The following INTS6 variants were observed in gnomAD, a reference collection of about 807,000 sequenced individuals.
INTS6 encodes the protein DEAD box protein.
Under a neutral mutation model 104.9 loss-of-function variants are expected in INTS6, and 16 were observed. The ratio of observed to expected loss-of-function variants is 0.15; its 90% confidence interval spans 0.10 to 0.23. The LOEUF is 0.23. Ranked by LOEUF, INTS6 falls within the 10% of genes least tolerant of loss-of-function variation. The pLI is 1.00. For synonymous variants in INTS6, 324 were observed against 358.7 expected (o/e 0.90, Z 1.09); for missense variants, 584 against 1,062.8 (o/e 0.55, Z 6.26).
At chr13:51,360,002 T>C (rs1257234087), downstream of INTS6, among the ~76,000 whole-genome samples, 3 of 152,090 alleles carry the variant, frequency 2.0e-5, no homozygotes, top group African/African-American at 7.2e-5. Context: ...TCCCCTTCAC[T>C]GATGCTGGAA....
At chr13:51,346,975 C>A in the INTS6 span, 1 of 1,382,306 alleles carries the variant, frequency 7.2e-7, no homozygotes, top group Admixed American at 2.0e-5. Context: ...GGGTTCGGTT[C>A]AGTTTCAATG....
In INTS6 at chr13:51,418,272, A is replaced by C. The variant is rs528706577; in HGVS notation, c.429+12022T>G. ...ATTAACCATTTTCCAATTGTTTTGC[A>C]TTCTCTTTATTCATTTCCTATAACT... is the stretch of plus-strand genomic sequence containing the variant. On this transcript the variant is annotated intron_variant, in intron 4 of 17. Transcript: ENST00000311234. Among the ~76,000 whole-genome samples, 3 of 152,272 alleles carry C rather than the reference A, an allele frequency of 2.0e-5. No individual in the cohort carries two copies. The South Asian group carries it at 6.2e-4, about 32-fold the overall frequency.
Position 51,378,391 on chromosome 13 carries a change from T to C in INTS6, c.1450A>G (p.Ile484Val). The C allele has an allele frequency of 1.9e-6, 3 of 1,613,500 alleles. No homozygotes were observed. Among genetic ancestry groups the C allele is most frequent in the South Asian group, 1.1e-5 (1 of 91,072 alleles). The change falls in exon 12 of 18, where the codon ATA (isoleucine) becomes GTA (valine). Residue 484 changes from isoleucine to valine, a missense_variant. Physicochemically the swap from Ile to Val is conservative, Grantham distance 29. Around this residue, in one of 5 missense-constraint regions of INTS6, gnomAD observed 74 missense variants for 64.4 expected, o/e 1.15. Transcript: ENST00000311234. ...CCATGTGATCGGCTCCGGACTTTTATTCCAGTCTCCTGTACTACTTTTTTG... is the reference window on the plus strand; with the variant it reads ...CCATGTGATCGGCTCCGGACTTTTACTCCAGTCTCCTGTACTACTTTTTTG... ...VGKKVVQETG[I>V]KVRSRSHGLS...
chr13:51,449,004 C>T (rs1162040824), intron 3 of INTS6: 1 of 152,120 alleles, frequency 6.6e-6, no homozygotes, highest in Non-Finnish European at 1.5e-5. Flanking sequence ...AATCATTTAT[C>T]CTTGTTGTGA....
chr13:51,361,275 T>G, downstream of INTS6: 1 of 1,602,406 alleles, frequency 6.2e-7, no homozygotes, highest in Non-Finnish European at 8.5e-7. Context: ...TTTCTGTGGT[T>G]AGGCCAAGAT....
chr13:51,348,123 T>A, the INTS6 span: 1 of 981,900 alleles, frequency 1.0e-6, no homozygotes, highest in East Asian at 2.6e-5. Flanking sequence ...TTGTTTCCAG[T>A]CCTCTGAGCC....
intron 5 of INTS6, among the ~76,000 whole-genome samples, chr13:51,393,077 T>G (rs1006887379): frequency 1.3e-5 from 2 of 149,702 alleles, no homozygotes; most frequent in Non-Finnish European, 3.0e-5. Flanking sequence ...CAACTAAATT[T>G]TTTTTTTTTT....
intron 4 of INTS6, among the ~76,000 whole-genome samples, chr13:51,413,456 T>C (rs1956726735): frequency 6.6e-6 from 1 of 152,174 alleles, no homozygotes; most frequent in South Asian, 2.1e-4. Flanking sequence ...ACTTATCTCA[T>C]TTAATCATAT....
chr13:51,362,636 T>A lies in INTS6; in HGVS notation c.*3116A>T, dbSNP rs554569721. On this transcript the variant is annotated 3_prime_UTR_variant, in exon 18 of 18. Coordinates refer to ENST00000311234, the MANE Select transcript of INTS6 (RefSeq NM_012141.3). The stretch of plus-strand genomic sequence containing the variant: ...AAAAAGAAATAGGATAGAACAAGAC[T>A]AATAAAATCAAGCAAAGGTGGATCT... 1 of 152,512 alleles carries A rather than the reference T, an allele frequency of 6.6e-6. No individual in the cohort carries two copies. The highest frequency in any genetic ancestry group is 1.9e-4 in the East Asian group (1 of 5,188). 9.4% of individuals were successfully genotyped at this position (152,512 alleles called of 1,614,324 possible). A position where few individuals can be genotyped will look rare whatever the true frequency, so the allele number is the denominator to read the frequency against.
chr13:51,449,871 T>C (rs1460538965), intron 3 of INTS6: 1 of 985,204 alleles, frequency 1.0e-6, no homozygotes, highest in Admixed American at 6.1e-5. Flanking sequence ...CATATTTACC[T>C]AACTAAACGT....
At position 51,452,306 on chromosome 13, in the gene INTS6, C is replaced by T; in HGVS notation, c.111+109G>A. ...TGGGGGAGGGGGTCCCCGAGCCCGG[C>T]AGCTCCCGCAGTCAGGTCCCCGACA... On this transcript the variant is annotated intron_variant, in intron 1 of 17. Coordinates refer to ENST00000311234, the MANE Select transcript of INTS6 (RefSeq NM_012141.3). The surrounding 1 kb of genome is among the most constrained non-coding windows in gnomAD (Gnocchi z 4.2). The T allele has an allele frequency of 9.0e-7, 1 of 1,111,170 alleles. No homozygotes were observed. The allele number at this position is 1,111,170 out of a possible 1,614,324, so 68.8% of individuals were successfully genotyped here.
intron 5 of INTS6, among the ~76,000 whole-genome samples, chr13:51,391,744 A>G (rs78203456): frequency 0.011 from 1,729 of 152,338 alleles, 26 homozygotes; most frequent in East Asian, 0.071. Flanking sequence ...TGTCAAATAG[A>G]GAAGAAGCAA....
intron 4 of INTS6, chr13:51,422,957 G>T: frequency 5.4e-6 from 4 of 745,950 alleles, no homozygotes; most frequent in Non-Finnish European, 7.5e-6. Context: ...CTTTCTTTAC[G>T]CTGTCTCAGA....
rs763090233 is a variant in INTS6 at position 51,394,325 on chromosome 13, TTCTA to T, written c.613+971_613+974del. Among the ~76,000 whole-genome samples the T allele has an allele frequency of 1.3e-4, 20 of 152,282 alleles. No individual in the cohort carries two copies. The East Asian group carries it at 1.5e-3, about 12-fold the overall frequency. On this transcript the variant is annotated intron_variant, in intron 5 of 17. Transcript: ENST00000311234. ...GCATTTAATGACATGAATAACAGCTTTCTATCTATTTCACACACCTGTGTAAGGT... is the reference window on the plus strand; with the variant it reads ...GCATTTAATGACATGAATAACAGCTTTCTATTTCACACACCTGTGTAAGGT...
At chr13:51,339,942 G>C in the INTS6 span, among the ~76,000 whole-genome samples, 3 of 152,162 alleles carry the variant, frequency 2.0e-5, no homozygotes, top group Non-Finnish European at 4.4e-5. Flanking sequence ...GAAAGAGAGA[G>C]AGAGAGAGCC....
rs368938953 is a variant in INTS6, at chr13:51,374,639, A to T, written c.1872+15T>A. 2 of 1,612,362 alleles carry T rather than the reference A, an allele frequency of 1.2e-6. No individual in the cohort carries two copies. ...TACCATAAACAAATTACATAATAGAACATTTCAAAATTACCTTCTTATCCA... is the reference window on the plus strand; with the variant it reads ...TACCATAAACAAATTACATAATAGATCATTTCAAAATTACCTTCTTATCCA... On this transcript the variant is annotated intron_variant, in intron 14 of 17. Transcript: ENST00000311234.
chr13:51,348,670 A>G, the INTS6 span: 1 of 256,662 alleles, frequency 3.9e-6, no homozygotes. Context: ...TTCTGCCTTC[A>G]CTGGGCTGGA....
At position 51,368,999 on chromosome 13, in the gene INTS6, C is replaced by T. The variant is rs1394572788; in HGVS notation, c.2416G>A (p.Glu806Lys). The change falls in exon 16 of 18, where the codon GAA becomes AAA. Residue 806 changes from glutamate (E) to lysine (K), a missense_variant. Glu to Lys is a moderately conservative substitution (Grantham distance 56). Around this residue, in one of 5 missense-constraint regions of INTS6, gnomAD observed 296 missense variants for 437.0 expected, o/e 0.68. Transcript: ENST00000311234. Reference protein sequence around the residue: ...GKKLMHCRSHEEVNTELKAQI... With the variant: ...GKKLMHCRSHKEVNTELKAQI... Reference sequence around the variant, plus strand: ...GCTTTTAGTTCAGTATTGACCTCTTCATGGCTTCTGCAATGCATCAATTTC... The same window carrying T: ...GCTTTTAGTTCAGTATTGACCTCTTTATGGCTTCTGCAATGCATCAATTTC... 2.5e-6 allele frequency: 4 copies of T among 1,613,652 alleles called. No homozygotes were observed. Among genetic ancestry groups the T allele is most frequent in the Non-Finnish European group, 3.4e-6 (4 of 1,179,784 alleles).
At chr13:51,436,747 A>G (rs1380997576) in intron 3 of INTS6, 5 of 152,238 alleles carry the variant, frequency 3.3e-5, no homozygotes, top group African/African-American at 1.2e-4. Flanking sequence ...TAAACTCAAT[A>G]TATCTGAAAT....
Sources: allele counts gnomAD v4.1 joint callset (sites outside exome capture counted in the v4.1 genomes callset), GRCh38; gene constraint gnomAD v4.1.1; regional missense constraint gnomAD v4.1.1; non-coding constraint Gnocchi (gnomAD v3.1); transcripts MANE v1.5; gene names NCBI Gene and HGNC (gene_info 2026-07-23, HGNC 2026-07-21).